The following ARV1 variants were observed in gnomAD, a reference collection of about 807,000 sequenced individuals.
ARV1 encodes the protein protein ARV1.
ARV1 carries 26 observed loss-of-function variants against 31.1 expected under a neutral mutation model. The ratio of observed to expected loss-of-function variants is 0.84; its 90% CI spans 0.61 to 1.16. ARV1 has a LOEUF of 1.16. ARV1 is among the 50% of genes most tolerant of loss of function. The pLI, the probability that ARV1 is intolerant of heterozygous loss-of-function variation, is 0.00. For synonymous variants in ARV1, 117 were observed against 123.2 expected (o/e 0.95, Z 0.34); for missense variants, 281 against 324.9 (o/e 0.86, Z 1.04).
chr1:230,984,349 TGTGTGTGTGTGTGC>T (rs1320127411), intron 1 of ARV1, among the ~76,000 whole-genome samples: 33 of 70,302 alleles, frequency 4.7e-4, no homozygotes, highest in South Asian at 6.9e-4. Flanking sequence ...GTTTCGTGTG[TGTGTGTGTGTGTGC>T]GTGTGTGTGT....
chr1:230,989,683 C>T (rs972126665), intron 2 of ARV1, among the ~76,000 whole-genome samples: 37 of 152,128 alleles, frequency 2.4e-4, no homozygotes, highest in Non-Finnish European at 2.6e-4. Context: ...AGTCTATTCT[C>T]TTATTGCTGT....
chr1:230,994,720 A>G (rs1450344747), intron 3 of ARV1, among the ~76,000 whole-genome samples: 2 of 151,802 alleles, frequency 1.3e-5, no homozygotes, highest in African/African-American at 4.8e-5. Flanking sequence ...TGTTTTTTGT[A>G]TTTTTAGTAG....
At chr1:230,990,293 G>C (rs376240508) in intron 3 of ARV1, 30 bp downstream of exon 3, 40 of 1,610,378 alleles carry the variant, frequency 2.5e-5, no homozygotes, top group Non-Finnish European at 3.0e-5. Flanking sequence ...TCCATTCTTA[G>C]TTAACTATTC....
At chr1:230,998,331 A>C (rs745540884) in intron 5 of ARV1, among the ~76,000 whole-genome samples, 1 of 152,124 alleles carries the variant, frequency 6.6e-6, no homozygotes, top group Non-Finnish European at 1.5e-5. Flanking sequence ...TCCTCCTTGC[A>C]AGTAGCGGCT....
chr1:230,980,722 T>A (rs1404489546), intron 1 of ARV1, among the ~76,000 whole-genome samples: 2 of 150,096 alleles, frequency 1.3e-5, no homozygotes, highest in African/African-American at 4.9e-5. Flanking sequence ...TGCCTTCTGC[T>A]GGATCATTCC....
At position 230,996,004 on chromosome 1, in the gene ARV1, C is replaced by G. The variant is rs780583903; in HGVS notation, c.673+20C>G. On this transcript the variant is annotated intron_variant, in intron 4 of 5. Transcript: ENST00000310256. ...TTAGAGGTATGTTTATGTGTTTATT[C>G]TGCCTTCTCAGTTTTCAACCCATAA... 7 of 1,588,194 alleles carry G rather than the reference C, an allele frequency of 4.4e-6. No individual in the cohort carries two copies. The highest frequency in any genetic ancestry group is 2.7e-5 in the African/African-American group (2 of 74,104).
chr1:230,993,810 G>A (rs548926136), intron 3 of ARV1, among the ~76,000 whole-genome samples: 43 of 152,270 alleles, frequency 2.8e-4, no homozygotes, highest in African/African-American at 1.0e-3. Context: ...CAGGAGGATC[G>A]CTTGAGCCCA....
At chr1:230,984,985 T>C (rs539243218) in intron 1 of ARV1, among the ~76,000 whole-genome samples, 4 of 152,172 alleles carry the variant, frequency 2.6e-5, no homozygotes, top group Non-Finnish European at 4.4e-5. Context: ...GGGGGTTGGG[T>C]AATGAGCCCT....
chr1:230,987,473 C>T lies in ARV1; in HGVS notation c.175-847C>T, dbSNP rs563030260. On this transcript the variant is annotated intron_variant, in intron 1 of 5. Coordinates refer to ENST00000310256, the MANE Select transcript of ARV1 (RefSeq NM_022786.3). ...TAATGAGCTTGTTTGTGTATACCTGCGTTTTTTATGTTCTAGTGATGTTGG... is the reference window on the plus strand; with the variant it reads ...TAATGAGCTTGTTTGTGTATACCTGTGTTTTTTATGTTCTAGTGATGTTGG... 2.5e-4 allele frequency among the ~76,000 whole-genome samples: 38 copies of T among 152,236 alleles called. No individual in the cohort carries two copies. The East Asian group carries it at 7.0e-3, about 28-fold the overall frequency.
chr1:230,990,488 T>C (rs2103051081), intron 3 of ARV1: 1 of 461,508 alleles, frequency 2.2e-6, no homozygotes, highest in East Asian at 4.1e-5. Flanking sequence ...GTAGTTATGC[T>C]TATCGGATTA....
Position 231,000,611 on chromosome 1 carries a change from C to T in ARV1, c.*478C>T, listed in dbSNP as rs1230706573. On this transcript the variant is annotated 3_prime_UTR_variant, in exon 6 of 6. Transcript: ENST00000310256. ...AATAAACCAAGTTTTTGTAAATTTT[C>T]AATTCAATAATTAAGGTAATCTTTA... 4 of 152,096 alleles carry T rather than the reference C, an allele frequency of 2.6e-5. No homozygotes were observed. Among genetic ancestry groups the T allele is most frequent in the Non-Finnish European group, 4.4e-5 (3 of 68,018 alleles). 9.4% of individuals were successfully genotyped at this position (152,096 alleles called of 1,614,324 possible). A position where few individuals can be genotyped will look rare whatever the true frequency, so the allele number is the denominator to read the frequency against.
chr1:230,990,018 C>T, intron 2 of ARV1, 92 bp from the exon 3 acceptor site: 1 of 1,307,380 alleles, frequency 7.6e-7, no homozygotes, highest in Non-Finnish European at 1.0e-6. Context: ...TGAAAAGTGA[C>T]TAGGTGGGAT....
chr1:230,982,550 C>G (rs576255392), intron 1 of ARV1, among the ~76,000 whole-genome samples: 1 of 152,190 alleles, frequency 6.6e-6, no homozygotes, highest in Non-Finnish European at 1.5e-5. Context: ...ACATGATACT[C>G]TTTCTCCCAA....
Position 230,990,256 on chromosome 1 carries a change from T to C in ARV1, c.441T>C (p.Ala147=), listed in dbSNP as rs748872970. ...ATTTCTATAGAATGTTTGCGATTGC[T>C]GCTTTAGGTAAGGAGATGCCATGCT... ...EWDFYRMFAI[A]ALEQTAYFIG... Residue 147 remains alanine, a synonymous_variant, in exon 3 of 6, where the codon GCT becomes GCC. Transcript: ENST00000310256. The C allele has an allele frequency of 6.2e-7, 1 of 1,612,972 alleles. No homozygotes were observed. Among genetic ancestry groups the C allele is most frequent in the Admixed American group, 1.7e-5 (1 of 59,458 alleles).
intron 1 of ARV1, among the ~76,000 whole-genome samples, chr1:230,986,356 A>G (rs903677352): frequency 3.3e-5 from 5 of 152,138 alleles, no homozygotes; most frequent in Non-Finnish European, 7.3e-5. Flanking sequence ...AACACATCCA[A>G]TGTTTTATTA....
At position 230,995,783 on chromosome 1, in the gene ARV1, A is replaced by G. The variant is rs1558246199; in HGVS notation, c.472A>G (p.Ile158Val). The change falls in exon 4 of 6, where the codon ATT becomes GTT. Residue 158 changes from isoleucine (I) to valine (V), a missense_variant. Coordinates refer to ENST00000310256, the MANE Select transcript of ARV1 (RefSeq NM_022786.3). ...ALEQTAYFIG[I>V]FTFLWVERPM... ...AGAACAAACTGCCTATTTTATTGGC[A>G]TTTTTACCTTCCTGTGGGTAGAACG... 6.2e-7 allele frequency: 1 copy of G among 1,613,438 alleles called. No homozygotes were observed. The highest frequency in any genetic ancestry group is 1.7e-5 in the Admixed American group (1 of 59,936).
rs745527827 is a variant in ARV1 at position 230,995,777 on chromosome 1, A to T, written c.466A>T (p.Ile156Phe). The change falls in exon 4 of 6, where the codon ATT becomes TTT. Residue 156 changes from isoleucine (I) to phenylalanine (F), a missense_variant. Ile to Phe is a conservative substitution (Grantham distance 21, BLOSUM62 0). Coordinates refer to ENST00000310256, the MANE Select transcript of ARV1 (RefSeq NM_022786.3). The stretch of plus-strand genomic sequence containing the variant: ...TTCTTTAGAACAAACTGCCTATTTT[A>T]TTGGCATTTTTACCTTCCTGTGGGT... ...IAALEQTAYF[I>F]GIFTFLWVER... The T allele has an allele frequency of 6.8e-6, 11 of 1,613,028 alleles. No homozygotes were observed. Among genetic ancestry groups the T allele is most frequent in the Non-Finnish European group, 9.3e-6 (11 of 1,179,454 alleles).
chr1:230,992,972 C>T (rs73110125), intron 3 of ARV1, among the ~76,000 whole-genome samples: 1 of 152,168 alleles, frequency 6.6e-6, no homozygotes, highest in Non-Finnish European at 1.5e-5. Context: ...AATATGTTAA[C>T]CTTTTTATCT....
chr1:230,993,768 G>A (rs1045185521), intron 3 of ARV1, among the ~76,000 whole-genome samples: 3 of 152,132 alleles, frequency 2.0e-5, no homozygotes, highest in African/African-American at 4.8e-5. Context: ...GGTGGCATGT[G>A]CCTGTAGTCC....
Sources: allele counts gnomAD v4.1 joint callset (sites outside exome capture counted in the v4.1 genomes callset), GRCh38; gene constraint gnomAD v4.1.1; transcripts MANE v1.5; gene names NCBI Gene and HGNC (gene_info 2026-07-23, HGNC 2026-07-21).